The following CSNK2A1 variants were observed in gnomAD, a reference collection of about 807,000 sequenced individuals.
CSNK2A1 encodes casein kinase II subunit alpha.
Under a neutral mutation model 62.9 loss-of-function variants are expected in CSNK2A1, and 10 were observed. The ratio of observed to expected loss-of-function variants is 0.16; its 90% CI spans 0.10 to 0.27. CSNK2A1 has a LOEUF of 0.27. Among genes scored for constraint, CSNK2A1 ranks in the 10% least tolerant of loss-of-function variants. The probability of loss-of-function intolerance (pLI) is 1.00; values close to 1 mark genes in which losing one functional copy is unlikely to be tolerated. For synonymous variants in CSNK2A1, 124 were observed against 167.8 expected (o/e 0.74, Z 2.02); for missense variants, 160 against 492.0 (o/e 0.33, Z 6.38).
At chr20:539,811 G>C (rs901768898) in intron 1 of CSNK2A1, 1 of 152,172 alleles carries the variant, frequency 6.6e-6, no homozygotes, top group Non-Finnish European at 1.5e-5. Context: ...ATCTATTCAG[G>C]TGTGGATGAG....
At chr20:517,214 G>A (rs531937508) in intron 2 of CSNK2A1, among the ~76,000 whole-genome samples, 6 of 152,180 alleles carry the variant, frequency 3.9e-5, no homozygotes, top group Non-Finnish European at 5.9e-5. Context: ...TACAAAAGGG[G>A]CACTGATTAG....
chr20:473,234 G>A lies in CSNK2A1; in HGVS notation c.*10727C>T, dbSNP rs1489204834. On this transcript the variant is annotated 3_prime_UTR_variant, in exon 14 of 14. Coordinates refer to ENST00000217244, the MANE Select transcript of CSNK2A1 (RefSeq NM_177559.3). ...CTTCCCATACTCTTGTCTCTCTCCT[G>A]TAACATTTTTACTTCTAACTCAAGG... 6.6e-6 allele frequency: 1 copy of A among 152,416 alleles called. No individual in the cohort carries two copies. Among genetic ancestry groups the A allele is most frequent in the Non-Finnish European group, 1.5e-5 (1 of 68,244 alleles). 9.4% of individuals were successfully genotyped at this position (152,416 alleles called of 1,614,324 possible).
At chr20:511,053 T>C (rs1209384204) in intron 2 of CSNK2A1, among the ~76,000 whole-genome samples, 1 of 152,054 alleles carries the variant, frequency 6.6e-6, no homozygotes, top group Non-Finnish European at 1.5e-5. Flanking sequence ...TGTGGTAAAA[T>C]ATACATAACA....
chr20:512,208 C>CT (rs546700255), intron 2 of CSNK2A1, among the ~76,000 whole-genome samples: 152 of 144,130 alleles, frequency 1.1e-3, no homozygotes, highest in Middle Eastern at 3.5e-3. Context: ...TCTTCTTCTT[C>CT]TTTTTTTTTT....
In CSNK2A1 at chr20:487,461, A is replaced by T; in HGVS notation, c.939T>A (p.Leu313=). 6.2e-7 allele frequency: 1 copy of T among 1,614,182 alleles called. No individual in the cohort carries two copies. Among genetic ancestry groups the T allele is most frequent in the Non-Finnish European group, 8.5e-7 (1 of 1,180,040 alleles). ...GGTGCTCCATTGCCTCTCTTGCAGT[A>T]AGCCGTGACTGGTGGTCATATCGCA... ...KLLRYDHQSR[L]TAREAMEHPY... Residue 313 remains leucine, a synonymous_variant, in exon 12 of 14, where the codon CTT becomes CTA. Coordinates refer to ENST00000217244, the MANE Select transcript of CSNK2A1 (RefSeq NM_177559.3).
chr20:500,098 C>G, intron 4 of CSNK2A1, 164 bp from the exon 5 acceptor site: 1 of 590,294 alleles, frequency 1.7e-6, no homozygotes, highest in South Asian at 2.2e-5. Context: ...TAGCACTGTG[C>G]CAGGTATTCT....
At position 523,858 on chromosome 20, in the gene CSNK2A1, CA is replaced by C. The variant is rs11401840; in HGVS notation, c.-110+4074del. Among the ~76,000 whole-genome samples, 368 of 45,526 alleles carry C rather than the reference CA, an allele frequency of 8.1e-3. 1 individual carries two copies. The highest frequency in any genetic ancestry group is 0.048 in the East Asian group (76 of 1,584). The allele number at this position is 45,526 out of a possible 152,430, so 29.9% of individuals were successfully genotyped here. A position where few individuals can be genotyped will look rare whatever the true frequency, so the allele number is the denominator to read the frequency against. ...TGGGCGACAGAGCAAGACTCCATCT[CA>C]AAAAAAAAAAAAAAAAAAAAAACTG... On this transcript the variant is annotated intron_variant, in intron 2 of 13. Coordinates refer to ENST00000217244, the MANE Select transcript of CSNK2A1 (RefSeq NM_177559.3).
At chr20:486,666 A>G in intron 12 of CSNK2A1, 1 of 528,660 alleles carries the variant, frequency 1.9e-6, no homozygotes, top group East Asian at 3.1e-5. Context: ...AAACTGTGGT[A>G]AAAGCTAACC....
rs1163678767 is a variant in CSNK2A1 at position 507,400 on chromosome 20, T to C, written c.101+1051A>G. On this transcript the variant is annotated intron_variant, in intron 3 of 13. Coordinates refer to ENST00000217244, the MANE Select transcript of CSNK2A1 (RefSeq NM_177559.3). ...GATATAAAATACAGCATACAGGAGC[T>C]GTAGCTTTAGTTTTCAAATTGCTTT... The C allele has an allele frequency of 3.9e-5, 6 of 152,222 alleles. No individual in the cohort carries two copies. In the East Asian group the frequency reaches 1.2e-3, roughly 29 times the overall value. The allele number at this position is 152,222 out of a possible 1,614,324, so 9.4% of individuals were successfully genotyped here.
intron 2 of CSNK2A1, chr20:526,772 G>A (rs1014148896): frequency 8.6e-5 from 13 of 152,016 alleles, no homozygotes; most frequent in African/African-American, 3.1e-4. Context: ...TGGCCAATAT[G>A]GTGAAACCCC....
At chr20:506,613 G>C (rs1388361134) in intron 3 of CSNK2A1, 2 of 152,146 alleles carry the variant, frequency 1.3e-5, no homozygotes, top group Non-Finnish European at 2.9e-5. Context: ...CTACTGGATA[G>C]AATCCTCTGG....
intron 1 of CSNK2A1, among the ~76,000 whole-genome samples, chr20:532,473 A>C (rs2019234289): frequency 6.6e-6 from 1 of 151,310 alleles, no homozygotes; most frequent in African/African-American, 2.4e-5. Flanking sequence ...CACTGCTCCC[A>C]GTCTTTTTTA....
At chr20:486,281 C>A (rs999845827) in intron 13 of CSNK2A1, 95 bp downstream of exon 13, 1 of 1,431,972 alleles carries the variant, frequency 7.0e-7, no homozygotes, top group Non-Finnish European at 9.6e-7. Context: ...GCCACCAGTA[C>A]GGAGAAGAGA....
At chr20:519,958 A>G (rs2018911266) in intron 2 of CSNK2A1, among the ~76,000 whole-genome samples, 1 of 152,246 alleles carries the variant, frequency 6.6e-6, no homozygotes, top group Non-Finnish European at 1.5e-5. Context: ...TGAAAAGAAG[A>G]TAAAATTATA....
At chr20:493,999 C>A (rs1427596912) in intron 8 of CSNK2A1, 1 of 151,310 alleles carries the variant, frequency 6.6e-6, no homozygotes, top group Non-Finnish European at 1.5e-5. Context: ...TTTAACCATT[C>A]CCTCATTGAA....
chr20:506,168 A>AGG, intron 3 of CSNK2A1: 1 of 152,076 alleles, frequency 6.6e-6, no homozygotes, highest in South Asian at 2.1e-4. Flanking sequence ...GAGCCACCGC[A>AGG]CCCGGCCGGA....
intron 12 of CSNK2A1, 39 bp downstream of exon 12, chr20:487,388 C>T (rs199971447): frequency 6.0e-5 from 96 of 1,612,158 alleles, no homozygotes; most frequent in South Asian, 4.8e-4. Context: ...TAGGACTCTG[C>T]GCCTGCACAA....
chr20:499,295 G>A lies in CSNK2A1; in HGVS notation c.326C>T (p.Pro109Leu). 6.2e-7 allele frequency: 1 copy of A among 1,608,282 alleles called. No individual in the cohort carries two copies. The highest frequency in any genetic ancestry group is 8.5e-7 in the Non-Finnish European group (1 of 1,177,266). Residue 109 changes from proline to leucine, a missense_variant, in exon 6 of 14, where the codon CCC becomes CTC. Around this residue, in one of 3 missense-constraint regions of CSNK2A1, gnomAD observed 94 missense variants for 357.6 expected, o/e 0.26. Transcript: ENST00000217244. This position sits in a 1 kb window ranked among gnomAD's most constrained non-coding sequence, Gnocchi z 4.2. Reference protein sequence around the residue: ...DIVKDPVSRTPALVFEHVNNT... With the variant: ...DIVKDPVSRTLALVFEHVNNT... The stretch of plus-strand genomic sequence containing the variant: ...GTTTACGTGTTCAAAAACCAAGGCG[G>A]GGGTTCGTGACTAGGGGAAAAGAAC...
chr20:529,553 T>C (rs577053650), intron 1 of CSNK2A1, among the ~76,000 whole-genome samples: 65 of 152,276 alleles, frequency 4.3e-4, no homozygotes, highest in African/African-American at 1.5e-3. Context: ...GTAGCGATGC[T>C]GAGAATCTGG....
Sources: gnomAD v4.1 joint callset for allele counts (sites outside exome capture counted in the v4.1 genomes callset) on GRCh38, gnomAD v4.1.1 for gene constraint, gnomAD v4.1.1 regional missense constraint, Gnocchi (gnomAD v3.1) non-coding constraint, MANE v1.5 for transcripts, NCBI Gene and HGNC (gene_info 2026-07-23, HGNC 2026-07-21) for gene names.